ANO4: variants seen among roughly 807,000 people sequenced by gnomAD.
The protein encoded by ANO4 is anoctamin 4.
Under a neutral mutation model 141.9 loss-of-function variants are expected in ANO4, and 69 were observed. The observed-to-expected ratio is 0.49, with a 90% CI of 0.40 to 0.59. ANO4 has a LOEUF of 0.59. ANO4 is among the 20% of genes least tolerant of loss of function. ANO4 has a pLI of 0.00. For missense variants in ANO4, 894 were observed against 1,162.2 expected (o/e 0.77, Z 3.36); for synonymous variants, 350 against 394.3 (o/e 0.89, Z 1.33).
At chr12:100,814,533 A>C (rs1170340811) in intron 1 of ANO4, among the ~76,000 whole-genome samples, 1 of 152,158 alleles carries the variant, frequency 6.6e-6, no homozygotes, top group African/African-American at 2.4e-5. Flanking sequence ...TATTTTTAAA[A>C]AACCACTCTG....
chr12:101,048,836 T>A (rs141100362), intron 14 of ANO4, among the ~76,000 whole-genome samples: 62 of 152,260 alleles, frequency 4.1e-4, no homozygotes, highest in South Asian at 1.0e-3. Context: ...CAGGACTGAT[T>A]TGAGCTTTTT....
chr12:101,028,830 A>G (rs2046849121), intron 9 of ANO4, among the ~76,000 whole-genome samples: 1 of 152,190 alleles, frequency 6.6e-6, no homozygotes, highest in African/African-American at 2.4e-5. Flanking sequence ...AATACAGAGA[A>G]CACCACTAAA....
At chr12:100,823,691 T>G (rs1293575678) in intron 1 of ANO4, among the ~76,000 whole-genome samples, 1 of 152,022 alleles carries the variant, frequency 6.6e-6, no homozygotes, top group Non-Finnish European at 1.5e-5. Context: ...TCCTATCATG[T>G]TTTTCCCCCC....
At chr12:101,075,746 A>G (rs1325403590) in intron 14 of ANO4, among the ~76,000 whole-genome samples, 1 of 141,780 alleles carries the variant, frequency 7.1e-6, no homozygotes, top group Non-Finnish European at 1.6e-5. Flanking sequence ...TATATATATA[A>G]CAAAAATATG....
rs576768999 is a variant in ANO4 at position 100,725,055 on chromosome 12, G to A, written c.22+7508G>A. On this transcript the variant is annotated intron_variant, in intron 1 of 29. Transcript: ENST00000644049. Reference sequence around the variant, plus strand: ...GTAAATTAAATGGTATTTCTAGTGCGCCAGTGTAGGTAGTTATTAAAGGAA... The same window carrying A: ...GTAAATTAAATGGTATTTCTAGTGCACCAGTGTAGGTAGTTATTAAAGGAA... Among the ~76,000 whole-genome samples the A allele has an allele frequency of 1.6e-4, 25 of 152,238 alleles. No homozygotes were observed. The South Asian group carries it at 5.2e-3, about 32-fold the overall frequency.
At chr12:100,763,421 C>T (rs529464448) in intron 3 of ANO4, among the ~76,000 whole-genome samples, 1 of 152,316 alleles carries the variant, frequency 6.6e-6, no homozygotes, top group South Asian at 2.1e-4. Flanking sequence ...TAAATGGACA[C>T]ATATTTCACA....
At chr12:100,975,427 C>CTT (rs201688045) in intron 7 of ANO4, among the ~76,000 whole-genome samples, 2,022 of 139,808 alleles carry the variant, frequency 0.014, 24 homozygotes, top group African/African-American at 0.023. Context: ...TTCTTTCTTT[C>CTT]TTTTTTTTTT....
chr12:100,903,767 C>T (rs2040708363), intron 2 of ANO4, among the ~76,000 whole-genome samples: 1 of 152,160 alleles, frequency 6.6e-6, no homozygotes, highest in Admixed American at 6.5e-5. Context: ...CCTAGATTAT[C>T]AAGGAGAATC....
chr12:101,021,587 T>C (rs1365880709), intron 9 of ANO4, among the ~76,000 whole-genome samples: 5 of 152,192 alleles, frequency 3.3e-5, no homozygotes, highest in Admixed American at 3.3e-4. Flanking sequence ...CATCAAGCTT[T>C]CGGGTAGGGT....
chr12:100,994,912 A>G (rs1004170363), intron 8 of ANO4, among the ~76,000 whole-genome samples: 1 of 152,148 alleles, frequency 6.6e-6, no homozygotes, highest in Non-Finnish European at 1.5e-5. Context: ...TTTGGTTGTC[A>G]CAAGTTAGGA....
rs956053422 is a variant in ANO4, at chr12:101,097,868, T to A, written c.1929T>A (p.Leu643=). The change falls in exon 21 of 28, where the codon CTT becomes CTA. Residue 643 remains leucine, a synonymous_variant. Coordinates refer to ENST00000392977, the MANE Select transcript of ANO4 (RefSeq NM_001286615.2). ...TGCAGTGCCACCCTAGTGGATGCCT[T>A]ATTGATCTGTGTATGCAAATGGGTA... ...RLEECHPSGC[L]IDLCMQMGII... 2.5e-6 allele frequency: 4 copies of A among 1,613,754 alleles called. No individual in the cohort carries two copies. The African/African-American group carries it at 5.3e-5, about 22-fold the overall frequency.
intron 2 of ANO4, among the ~76,000 whole-genome samples, chr12:100,909,333 G>T (rs190604687): frequency 5.3e-5 from 8 of 152,296 alleles, no homozygotes; most frequent in Admixed American, 3.9e-4. Flanking sequence ...AGACAGTGCT[G>T]AGACAAATGA....
chr12:100,719,221 A>G (rs2030749537), intron 1 of ANO4, among the ~76,000 whole-genome samples: 1 of 152,196 alleles, frequency 6.6e-6, no homozygotes, highest in Non-Finnish European at 1.5e-5. Flanking sequence ...TGCTTGACAC[A>G]TTCTCCTCCT....
intron 3 of ANO4, among the ~76,000 whole-genome samples, chr12:100,936,495 T>A (rs866770927): frequency 6.6e-6 from 1 of 152,212 alleles, no homozygotes; most frequent in African/African-American, 2.4e-5. Flanking sequence ...TTGAACTGAT[T>A]GTGCCAGTGC....
At position 100,829,285 on chromosome 12, in the gene ANO4, C is replaced by T. The variant is rs547564342; in HGVS notation, c.-141+34258C>T. ...AGAAATTACTTTTTATCTCTCAATCCTCAGTTTTCTTATCATTAAATGAGT... is the reference window on the plus strand; with the variant it reads ...AGAAATTACTTTTTATCTCTCAATCTTCAGTTTTCTTATCATTAAATGAGT... On this transcript the variant is annotated intron_variant, in intron 1 of 27. Coordinates refer to ENST00000392977, the MANE Select transcript of ANO4 (RefSeq NM_001286615.2). Among the ~76,000 whole-genome samples, 5 of 152,112 alleles carry T rather than the reference C, an allele frequency of 3.3e-5. No individual in the cohort carries two copies. In the South Asian group the frequency reaches 1.0e-3, roughly 32 times the overall value.
At chr12:100,724,517 TAATA>T (rs901769040) in intron 1 of ANO4, among the ~76,000 whole-genome samples, 8 of 152,158 alleles carry the variant, frequency 5.3e-5, no homozygotes, top group African/African-American at 1.9e-4. Flanking sequence ...AAGTGGCACA[TAATA>T]AATGAAAAAA....
chr12:100,740,091 G>T, exon 3 of ANO4: 1 of 702,508 alleles, frequency 1.4e-6, no homozygotes, highest in Non-Finnish European at 2.6e-6. Flanking sequence ...GAAACCCTGA[G>T]TCAAGACACA....
intron 3 of ANO4, among the ~76,000 whole-genome samples, chr12:100,772,414 A>AT (rs1409942164): frequency 6.6e-6 from 1 of 152,096 alleles, no homozygotes; most frequent in Non-Finnish European, 1.5e-5. Context: ...TGCCTGGCAC[A>AT]TTACATCCCC....
intron 1 of ANO4, among the ~76,000 whole-genome samples, chr12:100,889,036 C>T (rs1327776032): frequency 7.6e-6 from 1 of 130,942 alleles, no homozygotes; most frequent in Non-Finnish European, 1.6e-5. Flanking sequence ...CCCCCTCCCC[C>T]CACCCCACAA....
Sources: allele counts gnomAD v4.1 joint callset (sites outside exome capture counted in the v4.1 genomes callset), GRCh38; gene constraint gnomAD v4.1.1; transcripts MANE v1.5; gene names NCBI Gene and HGNC (gene_info 2026-07-23, HGNC 2026-07-21).